ZNF710: variants seen among roughly 807,000 people sequenced by gnomAD.
ZNF710 encodes zinc finger protein 710.
ZNF710 carries 13 observed loss-of-function variants against 50.6 expected under a neutral mutation model. That is an observed-to-expected ratio of 0.26 (90% CI 0.17 to 0.41). ZNF710 has a LOEUF of 0.41. ZNF710 is among the 10% of genes least tolerant of loss of function. The probability of loss-of-function intolerance (pLI) is 1.00; values close to 1 mark genes in which losing one functional copy is unlikely to be tolerated. For missense variants in ZNF710, 721 were observed against 936.6 expected (o/e 0.77, Z 3.01); for synonymous variants, 383 against 397.0 (o/e 0.96, Z 0.42).
At chr15:90,003,648 G>GC (rs2151454731) in intron 1 of ZNF710, among the ~76,000 whole-genome samples, 2 of 152,314 alleles carry the variant, frequency 1.3e-5, no homozygotes, top group African/African-American at 4.8e-5. Flanking sequence ...AGCCGATGGG[G>GC]CTATCTGGTT....
intron 1 of ZNF710, among the ~76,000 whole-genome samples, chr15:90,055,280 C>T (rs376386224): frequency 6.6e-6 from 1 of 152,210 alleles, no homozygotes; most frequent in East Asian, 1.9e-4. Context: ...GGAAGTGTTA[C>T]CTGGGCTGAA....
chr15:90,007,756 A>G (rs1358133535), intron 1 of ZNF710, among the ~76,000 whole-genome samples: 1 of 151,550 alleles, frequency 6.6e-6, no homozygotes, highest in Non-Finnish European at 1.5e-5. Context: ...TAACAGGGCA[A>G]GCAGGACTAG....
chr15:90,071,677 C>CTTTTTTTT (rs201729973), intron 2 of ZNF710, among the ~76,000 whole-genome samples: 1 of 127,258 alleles, frequency 7.9e-6, no homozygotes, highest in African/African-American at 2.9e-5. Flanking sequence ...TTTATTTTTA[C>CTTTTTTTT]TCTTTTTTTT....
At chr15:90,037,444 C>G (rs573006525) in intron 1 of ZNF710, among the ~76,000 whole-genome samples, 2 of 152,270 alleles carry the variant, frequency 1.3e-5, no homozygotes, top group East Asian at 3.9e-4. Flanking sequence ...GCCCCAGGCC[C>G]CTGGACAGAA....
At chr15:90,016,302 C>G (rs113720761) in intron 1 of ZNF710, among the ~76,000 whole-genome samples, 3,993 of 152,214 alleles carry the variant, frequency 0.026, 85 homozygotes, top group Non-Finnish European at 0.038. Context: ...CATTTTTAGA[C>G]CGAGAAACTG....
At chr15:90,018,340 T>C (rs1898512740) in intron 1 of ZNF710, among the ~76,000 whole-genome samples, 1 of 152,104 alleles carries the variant, frequency 6.6e-6, no homozygotes, top group Admixed American at 6.5e-5. Flanking sequence ...AGCTACTTTT[T>C]GTATTTTTAG....
At chr15:90,027,372 G>T (rs959662467) in intron 1 of ZNF710, among the ~76,000 whole-genome samples, 1 of 151,986 alleles carries the variant, frequency 6.6e-6, no homozygotes, top group Non-Finnish European at 1.5e-5. Flanking sequence ...CACCAACCCG[G>T]CTAATTCTTG....
chr15:90,079,645 G>T lies in ZNF710; in HGVS notation c.1826-15G>T. On this transcript the variant is annotated splice_polypyrimidine_tract_variant and intron_variant, in intron 4 of 4. Transcript: ENST00000268154. ...AGAGATGGCAGCCAGGTCTGACTGT[G>T]CCCCTCTCTTACAGACCCCATGATG... 6.2e-7 allele frequency: 1 copy of T among 1,609,562 alleles called. No homozygotes were observed. Among genetic ancestry groups the T allele is most frequent in the Non-Finnish European group, 8.5e-7 (1 of 1,178,292 alleles).
chr15:90,038,027 G>A (rs1746218237), intron 1 of ZNF710, among the ~76,000 whole-genome samples: 1 of 152,236 alleles, frequency 6.6e-6, no homozygotes, highest in Non-Finnish European at 1.5e-5. Context: ...GAGTGCTGGG[G>A]CCGCTAAGTG....
chr15:90,018,321 A>G (rs1324740289), intron 1 of ZNF710, among the ~76,000 whole-genome samples: 1 of 152,022 alleles, frequency 6.6e-6, no homozygotes, highest in Admixed American at 6.5e-5. Flanking sequence ...GGCGTGTGCC[A>G]CCACACCCAG....
intron 1 of ZNF710, among the ~76,000 whole-genome samples, chr15:90,039,154 C>T (rs1244167197): frequency 6.6e-6 from 1 of 152,126 alleles, no homozygotes. Flanking sequence ...TGGCAGGCGC[C>T]TGTAACCCCA....
chr15:90,002,233 G>A (rs935865901), intron 1 of ZNF710, among the ~76,000 whole-genome samples: 6 of 151,764 alleles, frequency 4.0e-5, no homozygotes, highest in African/African-American at 9.7e-5. Context: ...GGCCGGGGGT[G>A]GGGGAGAGCT....
chr15:90,074,502 G>A (rs1448940690), intron 4 of ZNF710: 17 of 1,512,854 alleles, frequency 1.1e-5, no homozygotes, highest in Middle Eastern at 1.7e-4. Context: ...ATGAGATCAC[G>A]TAAACAATAT....
At position 90,034,112 on chromosome 15, in the gene ZNF710, C is replaced by T. The variant is rs760165891; in HGVS notation, c.-29+32498C>T. 1.3e-4 allele frequency among the ~76,000 whole-genome samples: 20 copies of T among 151,844 alleles called. No homozygotes were observed. Among genetic ancestry groups the T allele is most frequent in the East Asian group, 3.9e-4 (2 of 5,164 alleles). Reference sequence around the variant, plus strand: ...ACTCGGGAGGCTGAGGTGGGAGAATCGCTTGAACCCAGGAGGCAGAGGTTG... The same window carrying T: ...ACTCGGGAGGCTGAGGTGGGAGAATTGCTTGAACCCAGGAGGCAGAGGTTG... On this transcript the variant is annotated intron_variant, in intron 1 of 4. Transcript: ENST00000268154. This position sits in a 1 kb window ranked among gnomAD's most constrained non-coding sequence, Gnocchi z 4.0.
In ZNF710 at chr15:90,034,345, C is replaced by T. The variant is rs8035673; in HGVS notation, c.-29+32731C>T. Reference sequence around the variant, plus strand: ...TCAGGAAAGGGAGGAATTCTTTGTGCTGTTTTGTCTATGTTATTTGAAAAA... The same window carrying T: ...TCAGGAAAGGGAGGAATTCTTTGTGTTGTTTTGTCTATGTTATTTGAAAAA... On this transcript the variant is annotated intron_variant, in intron 1 of 4. Transcript: ENST00000268154. This position sits in a 1 kb window ranked among gnomAD's most constrained non-coding sequence, Gnocchi z 4.0. Among the ~76,000 whole-genome samples, 2,293 of 151,882 alleles carry T rather than the reference C, an allele frequency of 0.015. 71 individuals carry two copies. The highest frequency in any genetic ancestry group is 0.052 in the African/African-American group (2,138 of 41,418).
chr15:90,021,836 A>G (rs1898632108), intron 1 of ZNF710, among the ~76,000 whole-genome samples: 2 of 152,202 alleles, frequency 1.3e-5, no homozygotes, highest in Non-Finnish European at 2.9e-5. Flanking sequence ...CTGTAATCCC[A>G]GCACTTTGGG....
At chr15:90,003,197 C>T (rs567870751) in intron 1 of ZNF710, among the ~76,000 whole-genome samples, 4 of 152,304 alleles carry the variant, frequency 2.6e-5, no homozygotes, top group Admixed American at 2.0e-4. Flanking sequence ...GGAGGCCTGC[C>T]GGGCAATCCA....
chr15:90,008,438 A>ATATATG (rs1898200790), intron 1 of ZNF710, among the ~76,000 whole-genome samples: 1 of 142,158 alleles, frequency 7.0e-6, no homozygotes, highest in African/African-American at 2.8e-5. Flanking sequence ...ATATATATAT[A>ATATATG]TACATATATA....
intron 1 of ZNF710, among the ~76,000 whole-genome samples, chr15:90,037,202 A>G (rs1673961207): frequency 6.6e-6 from 1 of 152,162 alleles, no homozygotes; most frequent in African/African-American, 2.4e-5. Context: ...TTCCAGGTTC[A>G]TTCCCCGGGT....
Sources: gnomAD v4.1 joint callset for allele counts (sites outside exome capture counted in the v4.1 genomes callset) on GRCh38, gnomAD v4.1.1 for gene constraint, Gnocchi (gnomAD v3.1) non-coding constraint, MANE v1.5 for transcripts, NCBI Gene and HGNC (gene_info 2026-07-23, HGNC 2026-07-21) for gene names.